Variants in CHL1 observed in about 807,000 individuals in gnomAD.
CHL1 encodes cell adhesion molecule L1 like.
In CHL1, 96 loss-of-function variants were observed where a neutral mutation model predicts 141.9. The ratio of observed to expected loss-of-function variants is 0.68; its 90% CI spans 0.57 to 0.80. The LOEUF is 0.80. Among genes scored for constraint, CHL1 ranks in the 30% least tolerant of loss-of-function variants. The pLI, the probability that CHL1 is intolerant of heterozygous loss-of-function variation, is 0.00. For missense variants in CHL1, 1,820 were observed against 1,457.2 expected, an observed-to-expected ratio of 1.25 and a Z score of -4.05; for synonymous variants, 613 against 502.2, an observed-to-expected ratio of 1.22 and a Z score of -2.95.
At chr3:202,889 G>T (rs1699082919) in intron 1 of CHL1, among the ~76,000 whole-genome samples, 1 of 152,162 alleles carries the variant, frequency 6.6e-6, no homozygotes, top group African/African-American at 2.4e-5. Context: ...TAATTATCCT[G>T]ATTTGCAGAT....
chr3:292,811 C>G lies in CHL1; in HGVS notation c.-94-26872C>G, dbSNP rs115368154. Among the ~76,000 whole-genome samples the G allele has an allele frequency of 3.5e-4, 54 of 152,216 alleles. 1 individual carries two copies. Among genetic ancestry groups the G allele is most frequent in the African/African-American group, 1.3e-3 (53 of 41,528 alleles). The stretch of plus-strand genomic sequence containing the variant: ...AGAGTGGGGGAGGCGCCACACGCTT[C>G]TAAACAACCAGATCTCAAGAGAACT... On this transcript the variant is annotated intron_variant, in intron 2 of 27. Coordinates refer to ENST00000256509, the MANE Select transcript of CHL1 (RefSeq NM_006614.4).
chr3:236,855 G>C (rs1180252938), intron 1 of CHL1, among the ~76,000 whole-genome samples: 1 of 150,066 alleles, frequency 6.7e-6, no homozygotes, highest in Non-Finnish European at 1.5e-5. Flanking sequence ...CATTATTAGA[G>C]AGTTTTTAAA....
At chr3:360,812 A>T (rs1413045351) in intron 12 of CHL1, among the ~76,000 whole-genome samples, 4 of 137,420 alleles carry the variant, frequency 2.9e-5, no homozygotes, top group African/African-American at 1.1e-4. Flanking sequence ...TCATTGTTCA[A>T]TTCCCACCTA....
chr3:399,182 T>G (rs1300922448), intron 26 of CHL1, 34 bp downstream of exon 26: 1 of 1,559,208 alleles, frequency 6.4e-7, no homozygotes, highest in Non-Finnish European at 8.8e-7. Flanking sequence ...TTTCAACTTA[T>G]TAAAAAGCAT....
intron 5 of CHL1, among the ~76,000 whole-genome samples, chr3:337,557 C>T (rs1427984876): frequency 6.6e-6 from 1 of 150,766 alleles, no homozygotes; most frequent in South Asian, 2.1e-4. Flanking sequence ...TGATGTCCCC[C>T]TTCCTATGTC....
intron 1 of CHL1, among the ~76,000 whole-genome samples, chr3:208,749 G>A (rs1056869003): frequency 5.9e-5 from 9 of 152,176 alleles, no homozygotes; most frequent in Non-Finnish European, 8.8e-5. Context: ...GTGGAAAATG[G>A]AGGTAATTCT....
chr3:218,197 G>C (rs1237480542), intron 1 of CHL1, among the ~76,000 whole-genome samples: 2 of 152,182 alleles, frequency 1.3e-5, no homozygotes, highest in Non-Finnish European at 2.9e-5. Flanking sequence ...GCTGGGATGG[G>C]TGAAATTTTG....
intron 1 of CHL1, among the ~76,000 whole-genome samples, chr3:205,980 G>C (rs1424373040): frequency 6.6e-6 from 1 of 152,186 alleles, no homozygotes. Flanking sequence ...TCCAGCCCCA[G>C]CAGTGCCCCC....
At chr3:197,407 T>C (rs6442646) in intron 1 of CHL1, 10,275 of 154,128 alleles carry the variant, frequency 0.067, 472 homozygotes, top group Middle Eastern at 0.15. Context: ...CGCCACCCCA[T>C]CCCTCGCTGC....
intron 2 of CHL1, among the ~76,000 whole-genome samples, chr3:273,632 G>A (rs4685524): frequency 0.06 from 9,177 of 151,970 alleles, 377 homozygotes; most frequent in Non-Finnish European, 0.088. Context: ...TAAATGTCAC[G>A]AAATTATCAG....
At chr3:382,379 A>G (rs1354946313) in intron 17 of CHL1, 95 bp from the exon 18 acceptor site, 2 of 1,460,924 alleles carry the variant, frequency 1.4e-6, no homozygotes, top group Non-Finnish European at 1.9e-6. Flanking sequence ...TCTTCTTATA[A>G]CATCCTTTTG....
chr3:359,662 G>C (rs888545881), intron 11 of CHL1, among the ~76,000 whole-genome samples: 1 of 152,144 alleles, frequency 6.6e-6, no homozygotes, highest in African/African-American at 2.4e-5. Context: ...GATCAGGAGT[G>C]GGGAAGGTTT....
chr3:304,230 T>C (rs945375791), intron 2 of CHL1, among the ~76,000 whole-genome samples: 13 of 152,212 alleles, frequency 8.5e-5, no homozygotes, highest in African/African-American at 3.1e-4. Context: ...TGCCAGGTTT[T>C]GGTATCAGGA....
At chr3:253,170 G>T (rs552114294) in intron 2 of CHL1, among the ~76,000 whole-genome samples, 2 of 152,080 alleles carry the variant, frequency 1.3e-5, no homozygotes, top group South Asian at 4.2e-4. Flanking sequence ...TTCTATAATT[G>T]TACTATATTT....
chr3:241,860 T>G (rs952409077), intron 1 of CHL1, among the ~76,000 whole-genome samples: 6 of 121,666 alleles, frequency 4.9e-5, no homozygotes, highest in Admixed American at 3.6e-4. Context: ...AACTTTTCAC[T>G]AATAACAGAG....
chr3:201,763 T>A (rs937913869), intron 1 of CHL1, among the ~76,000 whole-genome samples: 1 of 152,214 alleles, frequency 6.6e-6, no homozygotes, highest in Non-Finnish European at 1.5e-5. Flanking sequence ...CCTGGTAGTC[T>A]TATAACATTC....
At chr3:271,102 A>G (rs913906577) in intron 2 of CHL1, among the ~76,000 whole-genome samples, 1 of 152,232 alleles carries the variant, frequency 6.6e-6, no homozygotes, top group African/African-American at 2.4e-5. Flanking sequence ...CCCTGTGAAA[A>G]GCCAAAAATA....
chr3:360,931 T>C (rs2125260539), intron 12 of CHL1, among the ~76,000 whole-genome samples: 1 of 151,764 alleles, frequency 6.6e-6, no homozygotes, highest in African/African-American at 2.4e-5. Context: ...TCATCATTTT[T>C]TATGGCTGCA....
chr3:212,679 C>T (rs371033559), intron 1 of CHL1, among the ~76,000 whole-genome samples: 1 of 152,316 alleles, frequency 6.6e-6, no homozygotes, highest in South Asian at 2.1e-4. Context: ...CCACTTTCAG[C>T]TGGAGTCAGC....
Sources: allele counts gnomAD v4.1 joint callset (sites outside exome capture counted in the v4.1 genomes callset), GRCh38; gene constraint gnomAD v4.1.1; transcripts MANE v1.5; gene names NCBI Gene and HGNC (gene_info 2026-07-23, HGNC 2026-07-21).